ZNF280C: variants seen among roughly 807,000 people sequenced by gnomAD.
ZNF280C encodes the protein zinc finger protein 280C, also known as suppressor of hairy wing homolog 3.
In ZNF280C, 14 loss-of-function variants were observed where a neutral mutation model predicts 53.6. The observed-to-expected ratio is 0.26, with a 90% CI of 0.17 to 0.41. ZNF280C has a LOEUF of 0.41. Ranked by LOEUF, ZNF280C falls within the 10% of genes least tolerant of loss-of-function variation. ZNF280C has a pLI of 1.00. For missense variants in ZNF280C, 416 were observed against 547.1 expected, an observed-to-expected ratio of 0.76 and a Z score of 2.39; for synonymous variants, 203 against 181.1, an observed-to-expected ratio of 1.12 and a Z score of -0.97.
At chrX:130,244,787 AAAAAAAAAAAAAAG>A (rs1191596304) in intron 3 of ZNF280C, among the ~76,000 whole-genome samples, 4 of 86,233 alleles carry the variant, frequency 4.6e-5, no homozygotes, top group African/African-American at 2.1e-4. Context: ...TAAAAAAAAA[AAAAAAAAAAAAAAG>A]AGAGAAAAGA....
At chrX:130,236,687 T>A in intron 6 of ZNF280C, 48 bp from the exon 7 acceptor site, 16 of 951,544 alleles carry the variant, frequency 1.7e-5, no homozygotes, top group Non-Finnish European at 2.3e-5. Flanking sequence ...TATTTCAGTA[T>A]GGAATATTGC....
intron 16 of ZNF280C, among the ~76,000 whole-genome samples, chrX:130,206,335 G>C (rs17220099): frequency 0.23 from 24,273 of 105,331 alleles, 2,690 homozygotes; most frequent in South Asian, 0.45. Context: ...TAGGAAACCA[G>C]TGCATACCTT....
chrX:130,204,936 T>C lies in ZNF280C; in HGVS notation c.*41A>G. ...AACTTTGAACTTAGGAACTTCCAAC[T>C]TGTCTTGCACCAGGTTGCATGAACT... On this transcript the variant is annotated 3_prime_UTR_variant, in exon 19 of 19. Transcript: ENST00000370978. 2 of 1,067,630 alleles carry C rather than the reference T, an allele frequency of 1.9e-6. No homozygotes were observed. Among genetic ancestry groups the C allele is most frequent in the Non-Finnish European group, 2.4e-6 (2 of 822,443 alleles). The allele number at this position is 1,067,630 out of a possible 1,213,427, so 88.0% of individuals were successfully genotyped here. A position where few individuals can be genotyped will look rare whatever the true frequency, so the allele number is the denominator to read the frequency against.
Position 130,236,251 on chromosome X carries a change from T to C in ZNF280C, c.734A>G (p.Gln245Arg). Reference sequence around the variant, plus strand: ...TTTCAAAGGATCCAAAAGATTGAACTGAACATTGCACTTTGGACAAGCTCT... The same window carrying C: ...TTTCAAAGGATCCAAAAGATTGAACCGAACATTGCACTTTGGACAAGCTCT... ...YLRACPKCNV[Q>R]FNLLDPLKYH... Residue 245 changes from glutamine to arginine, a missense_variant, in exon 8 of 19, where the codon CAG becomes CGG. This residue lies in a region of ZNF280C where 193 missense variants were observed against 201.4 expected (regional missense o/e 0.96). Transcript: ENST00000370978. 8.3e-7 allele frequency: 1 copy of C among 1,207,445 alleles called. No individual in the cohort carries two copies. The highest frequency in any genetic ancestry group is 1.1e-6 in the Non-Finnish European group (1 of 893,343).
intron 3 of ZNF280C, among the ~76,000 whole-genome samples, chrX:130,245,921 AC>A (rs1275711452): frequency 8.2e-4 from 90 of 110,016 alleles, no homozygotes; most frequent in African/African-American, 2.6e-3. Flanking sequence ...AGTAGCTGGG[AC>A]TACAGGCACG....
At chrX:130,222,203 T>C (rs1208334343) in intron 12 of ZNF280C, among the ~76,000 whole-genome samples, 2 of 107,691 alleles carry the variant, frequency 1.9e-5, no homozygotes, top group Non-Finnish European at 3.8e-5. Context: ...ACCTGAGCCC[T>C]GGCACTCTCT....
intron 13 of ZNF280C, among the ~76,000 whole-genome samples, chrX:130,217,399 T>C (rs931017115): frequency 8.9e-6 from 1 of 111,919 alleles, no homozygotes; most frequent in Non-Finnish European, 1.9e-5. Flanking sequence ...AATAGGAAAA[T>C]CCATAGACAC....
chrX:130,261,179 A>C (rs1259316517), intron 1 of ZNF280C, among the ~76,000 whole-genome samples: 1 of 112,036 alleles, frequency 8.9e-6, no homozygotes, highest in Non-Finnish European at 1.9e-5. Flanking sequence ...CCTTGCCTTC[A>C]GAAGTTTACA....
At chrX:130,226,685 CTATAGATCTATACA>C (rs1166511637) in intron 12 of ZNF280C, 60 bp downstream of exon 12, 12 of 984,507 alleles carry the variant, frequency 1.2e-5, no homozygotes, top group South Asian at 2.8e-5. Flanking sequence ...ATAGATGTAG[CTATAGATCTATACA>C]TATAGATCTA....
chrX:130,224,146 A>C (rs138839181), intron 12 of ZNF280C, among the ~76,000 whole-genome samples: 356 of 111,690 alleles, frequency 3.2e-3, no homozygotes, highest in African/African-American at 0.011. Flanking sequence ...AGCCTTCGGA[A>C]ACTAATTAGA....
intron 12 of ZNF280C, 46 bp downstream of exon 12, chrX:130,226,713 C>A (rs2032224883): frequency 8.6e-7 from 1 of 1,163,192 alleles, no homozygotes; most frequent in Non-Finnish European, 1.2e-6. Flanking sequence ...AGATCTATAT[C>A]TTTTCACTAA....
chrX:130,247,111 A>G, intron 2 of ZNF280C, 106 bp from the exon 3 acceptor site: 1 of 792,956 alleles, frequency 1.3e-6, no homozygotes. Flanking sequence ...TCCTAATAGC[A>G]ATTACTGACT....
intron 13 of ZNF280C, among the ~76,000 whole-genome samples, chrX:130,216,832 CTTTTAAAAATA>C (rs1221815197): frequency 9.0e-6 from 1 of 110,785 alleles, no homozygotes; most frequent in African/African-American, 3.3e-5. Flanking sequence ...AACTCCATTT[CTTTTAAAAATA>C]CAAAAAATTA....
intron 2 of ZNF280C, among the ~76,000 whole-genome samples, chrX:130,256,774 C>T (rs1299938767): frequency 9.2e-6 from 1 of 109,004 alleles, no homozygotes; most frequent in African/African-American, 3.4e-5. Flanking sequence ...TGGCGCACAC[C>T]TTTAATCCCA....
rs2032456726 is a variant in ZNF280C, at chrX:130,246,938, T to A, written c.99A>T (p.Lys33Asn). 4 of 1,211,575 alleles carry A rather than the reference T, an allele frequency of 3.3e-6. No individual in the cohort carries two copies. In the East Asian group the frequency reaches 1.2e-4, roughly 36 times the overall value. ...EEEELEPWQKKVEETQDEDDD... is the reference protein window; with the variant it reads ...EEEELEPWQKNVEETQDEDDD... ...CATCCTCATCCTGAGTTTCTTCTACTTTCTTCTGCCATGGCTCTAGCTCTT... is the reference window on the plus strand; with the variant it reads ...CATCCTCATCCTGAGTTTCTTCTACATTCTTCTGCCATGGCTCTAGCTCTT... The change falls in exon 3 of 19, where the codon AAA (lysine) becomes AAT (asparagine). Residue 33 changes from lysine (K) to asparagine (N), a missense_variant. Transcript: ENST00000370978.
chrX:130,222,666 C>CT lies in ZNF280C; in HGVS notation c.1396-2187dup, dbSNP rs762758240. Among the ~76,000 whole-genome samples, 9 of 111,581 alleles carry CT rather than the reference C, an allele frequency of 8.1e-5. No individual in the cohort carries two copies. The South Asian group carries it at 1.9e-3, about 23-fold the overall frequency. The stretch of plus-strand genomic sequence containing the variant: ...ATTGTGCTAATGATCACAGATGATA[C>CT]TTTTTTTTGTTTTTTGAGATACAGT... On this transcript the variant is annotated intron_variant, in intron 12 of 18. Coordinates refer to ENST00000370978, the MANE Select transcript of ZNF280C (RefSeq NM_017666.5).
chrX:130,250,349 G>A (rs145909313), intron 2 of ZNF280C, among the ~76,000 whole-genome samples: 203 of 111,473 alleles, frequency 1.8e-3, no homozygotes, highest in Admixed American at 3.1e-3. Context: ...AGTGAATCAG[G>A]GAGTTGTTTT....
In ZNF280C at chrX:130,204,650, A is replaced by G. The variant is rs1007994622; in HGVS notation, c.*327T>C. The stretch of plus-strand genomic sequence containing the variant: ...TTATAAGAAATTAAGAAAGCAGACA[A>G]AACAGACAGAAAAAGATGAACAGTC... On this transcript the variant is annotated 3_prime_UTR_variant, in exon 19 of 19. Transcript: ENST00000370978. 2.9e-5 allele frequency: 6 copies of G among 205,051 alleles called. No individual in the cohort carries two copies. Among genetic ancestry groups the G allele is most frequent in the African/African-American group, 1.7e-4 (6 of 34,374 alleles). The allele number at this position is 205,051 out of a possible 1,213,427, so 16.9% of individuals were successfully genotyped here. A position where few individuals can be genotyped will look rare whatever the true frequency, so the allele number is the denominator to read the frequency against.
chrX:130,236,689 G>T, intron 6 of ZNF280C, 50 bp from the exon 7 acceptor site: 1 of 898,252 alleles, frequency 1.1e-6, no homozygotes, highest in South Asian at 3.2e-5. Flanking sequence ...TTTCAGTATG[G>T]AATATTGCTT....
Sources: allele counts gnomAD v4.1 joint callset (sites outside exome capture counted in the v4.1 genomes callset), GRCh38; gene constraint gnomAD v4.1.1; regional missense constraint gnomAD v4.1.1; transcripts MANE v1.5; gene names NCBI Gene and HGNC (gene_info 2026-07-23, HGNC 2026-07-21).